The following TIAM2 variants were observed in gnomAD, a reference collection of about 807,000 sequenced individuals.
The protein encoded by TIAM2 is TIAM Rac1 associated GEF 2, also known as rho guanine nucleotide exchange factor TIAM2.
A neutral mutation model predicts 152.9 loss-of-function variants in TIAM2; 80 were observed. The ratio of observed to expected loss-of-function variants is 0.52; its 90% CI spans 0.44 to 0.63. The LOEUF is 0.63. TIAM2 is among the 30% of genes least tolerant of loss of function. The pLI is 0.00. For synonymous variants in TIAM2, 804 were observed against 838.0 expected (o/e 0.96, Z 0.70); for missense variants, 1,965 against 2,120.1 (o/e 0.93, Z 1.44).
At chr6:155,149,513 T>C (rs1433633574) in intron 7 of TIAM2, among the ~76,000 whole-genome samples, 1 of 152,238 alleles carries the variant, frequency 6.6e-6, no homozygotes, top group East Asian at 1.9e-4. Flanking sequence ...GTGTGACTTA[T>C]TAGAAAGGAA....
intron 7 of TIAM2, among the ~76,000 whole-genome samples, chr6:155,157,144 C>CCT (rs1780139762): frequency 6.6e-6 from 1 of 152,178 alleles, no homozygotes; most frequent in South Asian, 2.1e-4. Flanking sequence ...TGTGGAAGCA[C>CCT]CTCTGTCTCG....
intron 1 of TIAM2, among the ~76,000 whole-genome samples, chr6:155,056,539 A>G (rs1300198128): frequency 3.3e-5 from 5 of 151,962 alleles, no homozygotes; most frequent in African/African-American, 4.8e-5. Flanking sequence ...TGTTTTCTGT[A>G]TCCGAGTCTT....
At chr6:155,222,624 AAAAAAC>A (rs1782093785) in intron 15 of TIAM2, among the ~76,000 whole-genome samples, 1 of 83,952 alleles carries the variant, frequency 1.2e-5, no homozygotes, top group Non-Finnish European at 2.6e-5. Flanking sequence ...AAACAAAAAA[AAAAAAC>A]ACAAAAAAAA....
At position 155,168,816 on chromosome 6, in the gene TIAM2, A is replaced by G. The variant is rs111776057; in HGVS notation, c.2361+3407A>G. 1,224 of 1,524,132 alleles carry G rather than the reference A, an allele frequency of 8.0e-4. 9 individuals are homozygous for G. In the African/African-American group the frequency reaches 0.015, roughly 18 times the overall value. 94.4% of individuals were successfully genotyped at this position (1,524,132 alleles called of 1,614,324 possible). Reference sequence around the variant, plus strand: ...CAGATGAATATTACAGGGCCATTTCATTAGTCTTTTTCCTCCCCCATCTGT... The same window carrying G: ...CAGATGAATATTACAGGGCCATTTCGTTAGTCTTTTTCCTCCCCCATCTGT... On this transcript the variant is annotated intron_variant, in intron 9 of 26. Transcript: ENST00000682666.
intron 1 of TIAM2, among the ~76,000 whole-genome samples, chr6:155,024,653 A>T (rs9480013): frequency 0.13 from 103 of 802 alleles, no homozygotes; most frequent in South Asian, 0.4. Context: ...CCATGTCTTT[A>T]AAAAAAAAAA....
intron 9 of TIAM2, among the ~76,000 whole-genome samples, chr6:155,166,606 C>A (rs901956513): frequency 2.6e-5 from 4 of 152,190 alleles, no homozygotes; most frequent in Admixed American, 6.5e-5. Context: ...CAGGCGTGAG[C>A]CACCGTGCCT....
intron 1 of TIAM2, among the ~76,000 whole-genome samples, chr6:155,048,467 T>A (rs1339255225): frequency 6.6e-6 from 1 of 151,984 alleles, no homozygotes; most frequent in Non-Finnish European, 1.5e-5. Flanking sequence ...GAGCAGAACA[T>A]ACACAGAGAA....
chr6:155,237,595 A>T (rs185658140), intron 15 of TIAM2, among the ~76,000 whole-genome samples: 4 of 152,180 alleles, frequency 2.6e-5, no homozygotes, highest in Admixed American at 2.6e-4. Flanking sequence ...AGGCATTTCC[A>T]TACATTCTCT....
intron 1 of TIAM2, among the ~76,000 whole-genome samples, chr6:155,067,452 T>C (rs1488406051): frequency 2.6e-5 from 4 of 152,292 alleles, no homozygotes; most frequent in African/African-American, 9.6e-5. Context: ...TGTCCCTGTC[T>C]CTGGAAGAGG....
At chr6:155,005,479 A>G (rs1778384548) in intron 1 of TIAM2, among the ~76,000 whole-genome samples, 1 of 151,544 alleles carries the variant, frequency 6.6e-6, no homozygotes, top group Non-Finnish European at 1.5e-5. Flanking sequence ...AGCTAGGACT[A>G]CAGGTGTGCA....
intron 5 of TIAM2, among the ~76,000 whole-genome samples, chr6:155,140,861 G>T (rs796726017): frequency 1.5e-4 from 23 of 152,322 alleles, no homozygotes; most frequent in African/African-American, 5.3e-4. Flanking sequence ...TGACAGCCAT[G>T]GGCACGTGGA....
chr6:155,100,709 G>A (rs935745755), intron 2 of TIAM2, among the ~76,000 whole-genome samples: 4 of 152,136 alleles, frequency 2.6e-5, no homozygotes, highest in African/African-American at 9.7e-5. Flanking sequence ...CATTCTAAGA[G>A]GCAGACCTTA....
At chr6:155,140,718 G>A (rs2115054453) in intron 5 of TIAM2, among the ~76,000 whole-genome samples, 1 of 152,288 alleles carries the variant, frequency 6.6e-6, no homozygotes, top group South Asian at 2.1e-4. Flanking sequence ...TTAGCATGGA[G>A]AAAATAAGAA....
At chr6:155,155,409 G>T (rs914368869) in intron 7 of TIAM2, among the ~76,000 whole-genome samples, 8 of 152,120 alleles carry the variant, frequency 5.3e-5, no homozygotes, top group Non-Finnish European at 1.0e-4. Flanking sequence ...CAACTGATCC[G>T]CCTGCCTCAG....
chr6:155,192,862 G>A (rs1781242498), intron 14 of TIAM2, among the ~76,000 whole-genome samples: 1 of 152,166 alleles, frequency 6.6e-6, no homozygotes, highest in African/African-American at 2.4e-5. Context: ...GACAACTGTG[G>A]ATATTCTTTC....
In TIAM2 at chr6:155,248,048, C is replaced by T. The variant is rs972125830; in HGVS notation, c.3701C>T (p.Thr1234Ile). 12 of 1,614,126 alleles carry T rather than the reference C, an allele frequency of 7.4e-6. No individual in the cohort carries two copies. Among genetic ancestry groups the T allele is most frequent in the African/African-American group, 2.7e-5 (2 of 74,952 alleles). The change falls in exon 20 of 27, where the codon ACC (threonine) becomes ATC (isoleucine). Residue 1234 changes from threonine (T) to isoleucine (I), a missense_variant. By Grantham distance (89) the Thr-to-Ile change is moderately conservative. Around this residue, in one of 3 missense-constraint regions of TIAM2, gnomAD observed 935 missense variants for 980.0 expected, o/e 0.95. Coordinates refer to ENST00000682666, the MANE Select transcript of TIAM2 (RefSeq NM_012454.4). ...GCTTTTCTGGACGCCCGGAACCCCACCAAGCAGCATTCCTCCACGCTGGAG... is the reference window on the plus strand; with the variant it reads ...GCTTTTCTGGACGCCCGGAACCCCATCAAGCAGCATTCCTCCACGCTGGAG... ...FKAFLDARNP[T>I]KQHSSTLESY...
intron 1 of TIAM2, among the ~76,000 whole-genome samples, chr6:155,018,782 C>CTT (rs36009750): frequency 1.1e-4 from 3 of 27,510 alleles, no homozygotes; most frequent in Non-Finnish European, 1.9e-4. Flanking sequence ...CTTCCCATCA[C>CTT]TTTTTTTTTT....
At chr6:155,170,507 G>A (rs1780559351) in intron 9 of TIAM2, among the ~76,000 whole-genome samples, 1 of 152,056 alleles carries the variant, frequency 6.6e-6, no homozygotes, top group Admixed American at 6.6e-5. Flanking sequence ...AGGCTGAGGT[G>A]GGAGGATTGC....
chr6:155,140,625 A>G (rs959155917), intron 5 of TIAM2, among the ~76,000 whole-genome samples: 10 of 148,270 alleles, frequency 6.7e-5, no homozygotes, highest in Non-Finnish European at 1.3e-4. Flanking sequence ...AGAATATACC[A>G]CTTTGAGAGG....
Sources: allele counts gnomAD v4.1 joint callset (sites outside exome capture counted in the v4.1 genomes callset), GRCh38; gene constraint gnomAD v4.1.1; regional missense constraint gnomAD v4.1.1; transcripts MANE v1.5; gene names NCBI Gene and HGNC (gene_info 2026-07-23, HGNC 2026-07-21).